Variants in PTPN3 observed in about 807,000 individuals in gnomAD.
PTPN3 encodes the protein protein tyrosine phosphatase non-receptor type 3, also known as tyrosine-protein phosphatase non-receptor type 3.
A neutral mutation model predicts 132.7 loss-of-function variants in PTPN3; 96 were observed. The observed-to-expected ratio is 0.72, with a 90% CI of 0.61 to 0.86. The LOEUF (loss-of-function observed/expected upper bound fraction) is 0.86. Among genes scored for constraint, PTPN3 ranks in the 40% least tolerant of loss-of-function variants. PTPN3 has a pLI of 0.00. For synonymous variants in PTPN3, 398 were observed against 429.0 expected (o/e 0.93, Z 0.89); for missense variants, 1,125 against 1,159.6 (o/e 0.97, Z 0.43).
At chr9:109,466,644 T>A (rs1307681074) in intron 1 of PTPN3, among the ~76,000 whole-genome samples, 1 of 152,192 alleles carries the variant, frequency 6.6e-6, no homozygotes, top group Non-Finnish European at 1.5e-5. Context: ...AGAGTCTGCA[T>A]CTTGTCTCCC....
intron 2 of PTPN3, among the ~76,000 whole-genome samples, chr9:109,460,702 C>G (rs1446008340): frequency 1.3e-5 from 2 of 152,164 alleles, no homozygotes; most frequent in Non-Finnish European, 2.9e-5. Context: ...TACGTCTATA[C>G]AATGGTAACC....
At chr9:109,448,909 A>AG in intron 5 of PTPN3, 54 bp from the exon 6 acceptor site, 1 of 1,566,776 alleles carries the variant, frequency 6.4e-7, no homozygotes, top group Non-Finnish European at 8.6e-7. Flanking sequence ...AAGCAAAAAA[A>AG]AAAAAAAAAG....
At chr9:109,457,768 T>C (rs1845638599) in intron 2 of PTPN3, among the ~76,000 whole-genome samples, 1 of 152,208 alleles carries the variant, frequency 6.6e-6, no homozygotes, top group Non-Finnish European at 1.5e-5. Context: ...GGGTGGTTTC[T>C]GTTGGCTCCT....
chr9:109,507,987 C>T, the PTPN3 span, among the ~76,000 whole-genome samples: 1 of 152,108 alleles, frequency 6.6e-6, no homozygotes, highest in Non-Finnish European at 1.5e-5. Context: ...TTCTTGCTTC[C>T]CCTTGAAAAA....
chr9:109,506,141 T>G, the PTPN3 span, among the ~76,000 whole-genome samples: 1 of 152,144 alleles, frequency 6.6e-6, no homozygotes, highest in Non-Finnish European at 1.5e-5. Context: ...CCCAACCACA[T>G]ATACGGACCC....
At chr9:109,522,325 C>A in the PTPN3 span, among the ~76,000 whole-genome samples, 1 of 152,182 alleles carries the variant, frequency 6.6e-6, no homozygotes, top group East Asian at 1.9e-4. Context: ...GGGCCCCTCA[C>A]CTCTCAAAGT....
At chr9:109,467,914 C>T (rs1355717189) in intron 1 of PTPN3, among the ~76,000 whole-genome samples, 1 of 152,202 alleles carries the variant, frequency 6.6e-6, no homozygotes, top group Non-Finnish European at 1.5e-5. Context: ...GGCTTGAAAC[C>T]TAATGACAAT....
At chr9:109,480,253 A>G (rs574656521) in intron 1 of PTPN3, among the ~76,000 whole-genome samples, 18 of 152,282 alleles carry the variant, frequency 1.2e-4, no homozygotes, top group African/African-American at 3.4e-4. Context: ...GGCTCAGTGT[A>G]ACCTGTGTCT....
intron 4 of PTPN3, among the ~76,000 whole-genome samples, chr9:109,455,404 C>A (rs904773305): frequency 1.3e-5 from 2 of 152,194 alleles, no homozygotes; most frequent in African/African-American, 4.8e-5. Flanking sequence ...AGGCACTGAG[C>A]ACTTTCTTGC....
At chr9:109,452,527 C>T (rs971719676) in intron 5 of PTPN3, among the ~76,000 whole-genome samples, 1 of 151,750 alleles carries the variant, frequency 6.6e-6, no homozygotes, top group African/African-American at 2.4e-5. Context: ...CATGTAAACA[C>T]ACACATATTA....
At position 109,457,382 on chromosome 9, in the gene PTPN3, C is replaced by T. The variant is rs760112728; in HGVS notation, c.156G>A (p.Gln52=). 1.9e-6 allele frequency: 3 copies of T among 1,613,444 alleles called. No homozygotes were observed. The highest frequency in any genetic ancestry group is 1.3e-5 in the African/African-American group (1 of 74,998). The change falls in exon 3 of 26, where the codon CAG becomes CAA. Residue 52 remains glutamine, a synonymous_variant. Coordinates refer to ENST00000374541, the MANE Select transcript of PTPN3 (RefSeq NM_002829.4). ...TFKVTKQDTG[Q]VLLDMVHNHL... ...GGTTGTGCACCATATCCAGAAGAAC[C>T]TGGCCAGTGTCTTGTTTCTAGAACA...
intron 1 of PTPN3, among the ~76,000 whole-genome samples, chr9:109,483,612 C>A (rs890828634): frequency 2.6e-5 from 4 of 152,130 alleles, no homozygotes; most frequent in African/African-American, 9.7e-5. Flanking sequence ...AACTGTGAAG[C>A]CAGACTGTGA....
intron 2 of PTPN3, among the ~76,000 whole-genome samples, chr9:109,462,638 A>C (rs1290544498): frequency 1.3e-5 from 2 of 151,950 alleles, no homozygotes; most frequent in Non-Finnish European, 2.9e-5. Context: ...ATAGGCAGCC[A>C]TGGTCCCAGT....
At chr9:109,413,157 T>C (rs1842208410) in intron 14 of PTPN3, among the ~76,000 whole-genome samples, 1 of 151,604 alleles carries the variant, frequency 6.6e-6, no homozygotes, top group Admixed American at 6.6e-5. Flanking sequence ...GGTTTCACCA[T>C]GTTAGTCAGG....
At chr9:109,473,679 C>A (rs1846492580) in intron 1 of PTPN3, among the ~76,000 whole-genome samples, 1 of 152,106 alleles carries the variant, frequency 6.6e-6, no homozygotes, top group East Asian at 1.9e-4. Context: ...TTGAAGCCGG[C>A]AGAAAACTCA....
intron 14 of PTPN3, among the ~76,000 whole-genome samples, chr9:109,420,018 T>C (rs557240752): frequency 6.6e-6 from 1 of 152,334 alleles, no homozygotes; most frequent in African/African-American, 2.4e-5. Flanking sequence ...GAAGCAAGCA[T>C]ATTTCCAATG....
At chr9:109,436,658 C>A (rs1310324500) in intron 9 of PTPN3, among the ~76,000 whole-genome samples, 1 of 151,978 alleles carries the variant, frequency 6.6e-6, no homozygotes, top group Non-Finnish European at 1.5e-5. Flanking sequence ...AGTCCCCTAA[C>A]CCTTCAAAAG....
chr9:109,509,254 G>A, the PTPN3 span, among the ~76,000 whole-genome samples: 7 of 152,274 alleles, frequency 4.6e-5, no homozygotes, highest in South Asian at 1.5e-3. Flanking sequence ...ATCTAGAATT[G>A]TATATAGTGC....
chr9:109,409,316 C>G (rs1012270870), intron 16 of PTPN3, among the ~76,000 whole-genome samples: 1 of 152,144 alleles, frequency 6.6e-6, no homozygotes, highest in Non-Finnish European at 1.5e-5. Flanking sequence ...GAGGGGTTCT[C>G]TTAATAGCAT....
Sources: allele counts gnomAD v4.1 joint callset (sites outside exome capture counted in the v4.1 genomes callset), GRCh38; gene constraint gnomAD v4.1.1; transcripts MANE v1.5; gene names NCBI Gene and HGNC (gene_info 2026-07-23, HGNC 2026-07-21).